The following ABI1 variants were observed in gnomAD, a reference collection of about 807,000 sequenced individuals.
ABI1 encodes the protein abl interactor 1.
A neutral mutation model predicts 54.6 loss-of-function variants in ABI1; 14 were observed. That is an observed-to-expected ratio of 0.26 (90% CI 0.17 to 0.40). The LOEUF (loss-of-function observed/expected upper bound fraction) is 0.40, where lower values mean the gene tolerates loss of function less well. ABI1 is among the 10% of genes least tolerant of loss of function. The pLI is 1.00. For missense variants in ABI1, 443 were observed against 598.3 expected, an observed-to-expected ratio of 0.74 and a Z score of 2.71; for synonymous variants, 194 against 209.3, an observed-to-expected ratio of 0.93 and a Z score of 0.63.
At chr10:26,784,510 C>A (rs1842493620) in intron 2 of ABI1, among the ~76,000 whole-genome samples, 1 of 151,916 alleles carries the variant, frequency 6.6e-6, no homozygotes, top group Non-Finnish European at 1.5e-5. Context: ...TCAGCCTGTG[C>A]CGTCTGACTT....
intron 7 of ABI1, chr10:26,763,820 G>T: frequency 7.0e-7 from 1 of 1,430,894 alleles, no homozygotes. Flanking sequence ...CTAGCACAGA[G>T]GAGTTTATTA....
chr10:26,834,548 AAC>A (rs571268846), intron 1 of ABI1, among the ~76,000 whole-genome samples: 57,431 of 138,132 alleles, frequency 0.42, 12,357 homozygotes, highest in Non-Finnish European at 0.51. Context: ...AGACATACAA[AAC>A]ACACACACAC....
At position 26,791,192 on chromosome 10, in the gene ABI1, A is replaced by G. The variant is rs374576108; in HGVS notation, c.286-13951T>C. Among the ~76,000 whole-genome samples the G allele has an allele frequency of 2.6e-3, 395 of 152,294 alleles. 4 individuals carry two copies. In the South Asian group the frequency reaches 0.029, roughly 11 times the overall value. ...TGAGAGAGACTAAAGGCAATATGGAACATAACATAATCAAGAGAAATATTC... is the reference window on the plus strand; with the variant it reads ...TGAGAGAGACTAAAGGCAATATGGAGCATAACATAATCAAGAGAAATATTC... On this transcript the variant is annotated intron_variant, in intron 2 of 10. Coordinates refer to ENST00000376140, the MANE Select transcript of ABI1 (RefSeq NM_001012750.3).
intron 1 of ABI1, among the ~76,000 whole-genome samples, chr10:26,824,264 CAAG>C (rs1239114990): frequency 3.9e-5 from 6 of 152,130 alleles, no homozygotes; most frequent in Non-Finnish European, 8.8e-5. Context: ...AAAAGTCTGA[CAAG>C]ACACTCAGCA....
At chr10:26,837,144 A>G (rs1214373196) in intron 1 of ABI1, among the ~76,000 whole-genome samples, 1 of 152,222 alleles carries the variant, frequency 6.6e-6, no homozygotes, top group Non-Finnish European at 1.5e-5. Flanking sequence ...TTGGGCTGCC[A>G]TTAACAAAAT....
rs1164854399 is a variant in ABI1, at chr10:26,761,617, C to CATATATATATAT, written c.821-2391_821-2380dup. On this transcript the variant is annotated intron_variant, in intron 7 of 10. Transcript: ENST00000376140. ...TCTTTCTTCTGTAAATAGTTTTTGTCATATATATATATATATATATATATA... is the reference window on the plus strand; with the variant it reads ...TCTTTCTTCTGTAAATAGTTTTTGTCATATATATATATATATATATATATATATATATATATA... 1.7e-3 allele frequency among the ~76,000 whole-genome samples: 83 copies of CATATATATATAT among 49,810 alleles called. 2 individuals carry two copies. The highest frequency in any genetic ancestry group is 2.1e-3 in the African/African-American group (23 of 10,820). The allele number at this position is 49,810 out of a possible 152,430, so 32.7% of individuals were successfully genotyped here.
chr10:26,809,640 T>C (rs1298485705), intron 2 of ABI1, among the ~76,000 whole-genome samples: 1 of 152,160 alleles, frequency 6.6e-6, no homozygotes, highest in East Asian at 1.9e-4. Context: ...GGGGGAAATA[T>C]TAGAATCAAT....
intron 2 of ABI1, among the ~76,000 whole-genome samples, chr10:26,797,408 G>A (rs1844325356): frequency 6.6e-6 from 1 of 152,192 alleles, no homozygotes. Flanking sequence ...GGGATAGGAA[G>A]GGATTGCACT....
intron 7 of ABI1, among the ~76,000 whole-genome samples, chr10:26,761,617 C>T (rs1418688933): frequency 1.4e-4 from 7 of 49,836 alleles, no homozygotes; most frequent in South Asian, 7.4e-4. Context: ...TAGTTTTTGT[C>T]ATATATATAT....
At position 26,835,919 on chromosome 10, in the gene ABI1, T is replaced by C. The variant is rs77661310; in HGVS notation, c.118-12614A>G. ...CGCATGCCACCATGTCTGGCTAACT[T>C]TTTTTGCATTTTTTGTAAAGTTGGG... On this transcript the variant is annotated intron_variant, in intron 1 of 10. Coordinates refer to ENST00000376140, the MANE Select transcript of ABI1 (RefSeq NM_001012750.3). 7.8e-4 allele frequency among the ~76,000 whole-genome samples: 118 copies of C among 151,736 alleles called. 2 individuals are homozygous for C. The East Asian group carries it at 0.018, about 23-fold the overall frequency.
chr10:26,816,717 CTATT>C (rs906009401), intron 2 of ABI1, among the ~76,000 whole-genome samples: 4 of 151,808 alleles, frequency 2.6e-5, no homozygotes, highest in African/African-American at 9.7e-5. Context: ...TTTCATTTCT[CTATT>C]CATTTATAAC....
intron 2 of ABI1, among the ~76,000 whole-genome samples, chr10:26,797,755 C>T (rs187537774): frequency 1.1e-4 from 16 of 152,126 alleles, no homozygotes; most frequent in Non-Finnish European, 1.2e-4. Context: ...CAGAGTAGAA[C>T]GGAATGTTCA....
chr10:26,833,316 T>C (rs934128088), intron 1 of ABI1, among the ~76,000 whole-genome samples: 7 of 152,346 alleles, frequency 4.6e-5, no homozygotes, highest in Middle Eastern at 3.4e-3. Flanking sequence ...AGAATATTTT[T>C]AAGCCTTTTC....
Position 26,831,015 on chromosome 10 carries a change from G to A in ABI1, c.118-7710C>T, listed in dbSNP as rs375487200. Among the ~76,000 whole-genome samples the A allele has an allele frequency of 9.2e-5, 14 of 152,040 alleles. No homozygotes were observed. In the East Asian group the frequency reaches 1.4e-3, roughly 15 times the overall value. ...GGGTTCAACTGATCCTCCCACCTCA[G>A]CCTCCTGAGTTGCTGGGACTGATAA... On this transcript the variant is annotated intron_variant, in intron 1 of 10. Transcript: ENST00000376140.
intron 1 of ABI1, among the ~76,000 whole-genome samples, chr10:26,855,970 CAAAAA>C (rs11369827): frequency 0.21 from 16,855 of 80,502 alleles, 1,516 homozygotes; most frequent in African/African-American, 0.33. Context: ...GACTCCATCT[CAAAAA>C]AAAAAAAAAA....
intron 9 of ABI1, among the ~76,000 whole-genome samples, chr10:26,753,814 CACTG>C (rs1458766752): frequency 6.6e-6 from 1 of 152,186 alleles, no homozygotes; most frequent in Non-Finnish European, 1.5e-5. Flanking sequence ...CAAGGAGAAT[CACTG>C]ACTGACCCAA....
At chr10:26,757,204 G>A (rs888411202) in intron 8 of ABI1, among the ~76,000 whole-genome samples, 1 of 151,450 alleles carries the variant, frequency 6.6e-6, no homozygotes, top group Non-Finnish European at 1.5e-5. Flanking sequence ...AAACATTCAC[G>A]TACTACTACT....
rs189472276 is a variant in ABI1, at chr10:26,841,639, T to A, written c.118-18334A>T. Among the ~76,000 whole-genome samples, 11 of 143,164 alleles carry A rather than the reference T, an allele frequency of 7.7e-5. No homozygotes were observed. The East Asian group carries it at 2.1e-3, about 28-fold the overall frequency. The allele number at this position is 143,164 out of a possible 152,430, so 93.9% of individuals were successfully genotyped here. ...CCCACTCTTTTATTCACTCTGTATA[T>A]TTGACTCTTTTTTTTTATTTTTTTT... On this transcript the variant is annotated intron_variant, in intron 1 of 10. Transcript: ENST00000376140.
chr10:26,776,936 T>C (rs1203131123), intron 3 of ABI1, 129 bp downstream of exon 3: 1 of 832,592 alleles, frequency 1.2e-6, no homozygotes, highest in Non-Finnish European at 1.8e-6. Flanking sequence ...TCATATTAAA[T>C]ATTGTATGAA....
Sources: allele counts gnomAD v4.1 joint callset (sites outside exome capture counted in the v4.1 genomes callset), GRCh38; gene constraint gnomAD v4.1.1; transcripts MANE v1.5; gene names NCBI Gene and HGNC (gene_info 2026-07-23, HGNC 2026-07-21).